Variants in SNX19 observed in about 807,000 individuals in gnomAD.
The protein encoded by SNX19 is sorting nexin 19, also known as sorting nexin-19.
A neutral mutation model predicts 85.2 loss-of-function variants in SNX19; 60 were observed. The ratio of observed to expected loss-of-function variants is 0.70; its 90% CI spans 0.57 to 0.87. The LOEUF (loss-of-function observed/expected upper bound fraction) is 0.87. SNX19 is among the 40% of genes least tolerant of loss of function. The pLI is 0.00. For missense variants in SNX19, 1,201 were observed against 1,217.8 expected, an observed-to-expected ratio of 0.99 and a Z score of 0.21; for synonymous variants, 520 against 470.0, an observed-to-expected ratio of 1.11 and a Z score of -1.38.
chr11:130,911,814 A>G (rs1565551855), intron 1 of SNX19, 43 bp from the exon 2 acceptor site: 2 of 1,598,784 alleles, frequency 1.3e-6, no homozygotes, highest in Admixed American at 1.7e-5. Context: ...GCCGGGTTTC[A>G]GCAATCTTCT....
rs1189188876 is a variant in SNX19 at position 130,880,797 on chromosome 11, C to T, written c.2583G>A (p.Glu861=). 2.6e-6 allele frequency: 4 copies of T among 1,556,486 alleles called. No individual in the cohort carries two copies. The highest frequency in any genetic ancestry group is 3.5e-6 in the Non-Finnish European group (4 of 1,138,974). Residue 861 remains glutamate (E), a synonymous_variant, in exon 9 of 11, where the codon GAG becomes GAA. Transcript: ENST00000265909. ...GACTTGTTAAATTAGCTACCTGCAC[C>T]TCTAGCCACCTGTGGTAGAAGAGAG... is the stretch of plus-strand genomic sequence containing the variant. ...IFGTLVQRWL[E]VQVANLTSPQ...
At position 130,880,735 on chromosome 11, in the gene SNX19, T is replaced by G. The variant is rs763086340; in HGVS notation, c.2645A>C (p.Glu882Ala). The change falls in exon 9 of 11, where the codon GAG becomes GCG. Residue 882 changes from glutamate (E) to alanine (A), a missense_variant. Around this residue, in one of 3 missense-constraint regions of SNX19, gnomAD observed 285 missense variants for 295.3 expected, o/e 0.97. Coordinates refer to ENST00000265909, the MANE Select transcript of SNX19 (RefSeq NM_014758.3). ...RWVQYLLLLQ[E>A]SIWPGGVLPK... ...CAAAACTCCACCAGGCCAGATGGAC[T>G]CCTGAAGAAGCAGGAGGTACTGCAC... 2 of 1,611,832 alleles carry G rather than the reference T, an allele frequency of 1.2e-6. No individual in the cohort carries two copies. Among genetic ancestry groups the G allele is most frequent in the Non-Finnish European group, 1.7e-6 (2 of 1,178,328 alleles).
intron 8 of SNX19, among the ~76,000 whole-genome samples, chr11:130,898,255 TG>T (rs1945018927): frequency 6.6e-6 from 1 of 151,926 alleles, no homozygotes; most frequent in South Asian, 2.1e-4. Context: ...AGTTGCAAGA[TG>T]GGTATACAAA....
intron 5 of SNX19, 113 bp downstream of exon 5, chr11:130,907,840 G>A (rs2135399128): frequency 6.6e-7 from 1 of 1,505,800 alleles, no homozygotes; most frequent in Non-Finnish European, 9.0e-7. Context: ...AAACTGGTAT[G>A]TCTGACCCAC....
chr11:130,894,355 G>C (rs1176417883), intron 8 of SNX19, among the ~76,000 whole-genome samples: 1 of 152,222 alleles, frequency 6.6e-6, no homozygotes, highest in Non-Finnish European at 1.5e-5. Context: ...ACACCACTCA[G>C]AGAAGCAAGC....
rs553491932 is a variant in SNX19 at position 130,867,507 on chromosome 11, C to T, written c.*10915G>A. 1 of 152,104 alleles carries T rather than the reference C, an allele frequency of 6.6e-6. No individual in the cohort carries two copies. Among genetic ancestry groups the T allele is most frequent in the Non-Finnish European group, 1.5e-5 (1 of 68,020 alleles). The allele number at this position is 152,104 out of a possible 1,614,324, so 9.4% of individuals were successfully genotyped here. ...TTCATATCTGTATGGTATCTTTACT[C>T]AACTTGATTTTGGCAGGTTTAAAGA... is the stretch of plus-strand genomic sequence containing the variant. On this transcript the variant is annotated 3_prime_UTR_variant, in exon 11 of 11. Transcript: ENST00000265909.
At position 130,872,063 on chromosome 11, in the gene SNX19, G is replaced by GC. The variant is rs1943047129; in HGVS notation, c.*6358dup. On this transcript the variant is annotated 3_prime_UTR_variant, in exon 11 of 11. Transcript: ENST00000265909. ...AGCTTCCACATCCCAGAGATGGTGT[G>GC]CTGGGGGCTTTCACGGAAGCGCTTG... 1.3e-5 allele frequency among the ~76,000 whole-genome samples: 2 copies of GC among 152,190 alleles called. No individual in the cohort carries two copies. The highest frequency in any genetic ancestry group is 1.3e-4 in the Admixed American group (2 of 15,292).
Position 130,915,695 on chromosome 11 carries a change from A to C in SNX19, c.245T>G (p.Phe82Cys). Residue 82 changes from phenylalanine to cysteine, a missense_variant, in exon 1 of 11, where the codon TTC (phenylalanine) becomes TGC (cysteine). Coordinates refer to ENST00000265909, the MANE Select transcript of SNX19 (RefSeq NM_014758.3). ...TGGAGGACAGGTGGCCAACGGGATGAAGCGTTCCAGATGCAGTCGACCTGA... is the reference window on the plus strand; with the variant it reads ...TGGAGGACAGGTGGCCAACGGGATGCAGCGTTCCAGATGCAGTCGACCTGA... ...VASGRLHLERFIPLATCPPCP... is the reference protein window; with the variant it reads ...VASGRLHLERCIPLATCPPCP... 6.2e-7 allele frequency: 1 copy of C among 1,614,212 alleles called. No individual in the cohort carries two copies.
rs3751036 is a variant in SNX19 at position 130,915,076 on chromosome 11, C to G, written c.864G>C (p.Pro288=). ...CCTCAGCAATCAGTGGCAGAGATGT[C>G]GGCACTGAGGGCTGTTCGGGGGCAC... is the stretch of plus-strand genomic sequence containing the variant. ...PASAPEQPSV[P]TSLPLIAEVE... is the part of the protein sequence containing the mutation. The change falls in exon 1 of 11, where the codon CCG becomes CCC. Residue 288 remains proline (P), a synonymous_variant. Transcript: ENST00000265909. 1,193,667 of 1,613,890 alleles carry G rather than the reference C, an allele frequency of 0.74. 443,799 individuals carry two copies. The highest frequency in any genetic ancestry group is 0.89 in the African/African-American group (66,706 of 75,028).
chr11:130,874,317 C>T lies in SNX19; in HGVS notation c.*4105G>A, dbSNP rs74962523. Among the ~76,000 whole-genome samples the T allele has an allele frequency of 0.031, 4,720 of 152,280 alleles. 109 individuals carry two copies. Among genetic ancestry groups the T allele is most frequent in the Admixed American group, 0.066 (1,016 of 15,298 alleles). Reference sequence around the variant, plus strand: ...GATTATAGGTGTGAGCCGCTGTGCCCGGCCTAGAAGAGGATTCTTGAAGGA... The same window carrying T: ...GATTATAGGTGTGAGCCGCTGTGCCTGGCCTAGAAGAGGATTCTTGAAGGA... On this transcript the variant is annotated 3_prime_UTR_variant, in exon 11 of 11. Coordinates refer to ENST00000265909, the MANE Select transcript of SNX19 (RefSeq NM_014758.3).
chr11:130,879,812 G>T, intron 9 of SNX19, 101 bp from the exon 10 acceptor site: 1 of 1,010,894 alleles, frequency 9.9e-7, no homozygotes, highest in Non-Finnish European at 1.5e-6. Context: ...ACATAGGTTA[G>T]GTATTTCAGG....
rs757383609 is a variant in SNX19 at position 130,914,635 on chromosome 11, G to T, written c.1305C>A (p.Gly435=). Residue 435 remains glycine (G), a synonymous_variant, in exon 1 of 11, where the codon GGC becomes GGA. Transcript: ENST00000265909. ...EEGPGTETET[G]LPVSTLNSCP... is the part of the protein sequence containing the mutation. The stretch of plus-strand genomic sequence containing the variant: ...AGGAATTCAGTGTGGAGACCGGCAG[G>T]CCTGTCTCTGTTTCTGTCCCTGGAC... 1 of 1,613,906 alleles carries T rather than the reference G, an allele frequency of 6.2e-7. No homozygotes were observed. The highest frequency in any genetic ancestry group is 8.5e-7 in the Non-Finnish European group (1 of 1,179,856).
chr11:130,905,802 C>T, intron 7 of SNX19, 151 bp downstream of exon 7: 1 of 1,542,202 alleles, frequency 6.5e-7, no homozygotes, highest in Non-Finnish European at 8.7e-7. Flanking sequence ...TCTCTGTGCC[C>T]CAACACAGCA....
intron 8 of SNX19, among the ~76,000 whole-genome samples, chr11:130,884,394 C>T (rs1236681077): frequency 6.6e-6 from 1 of 151,862 alleles, no homozygotes; most frequent in African/African-American, 2.4e-5. Flanking sequence ...GATTCGTAAC[C>T]CTATAGAGCT....
In SNX19 at chr11:130,875,100, G is replaced by A. The variant is rs546974559; in HGVS notation, c.*3322C>T. ...CAGCATTGTTTTCAACAATCAAGGC[G>A]CGGAGCCAACCTAAATGTCCCTCAA... On this transcript the variant is annotated 3_prime_UTR_variant, in exon 11 of 11. Transcript: ENST00000265909. Among the ~76,000 whole-genome samples the A allele has an allele frequency of 5.3e-5, 8 of 152,332 alleles. No homozygotes were observed. Among genetic ancestry groups the A allele is most frequent in the African/African-American group, 1.4e-4 (6 of 41,566 alleles).
intron 8 of SNX19, among the ~76,000 whole-genome samples, chr11:130,888,386 T>C (rs1287768262): frequency 1.3e-5 from 2 of 152,212 alleles, no homozygotes; most frequent in African/African-American, 4.8e-5. Flanking sequence ...GTTTATGATA[T>C]TATTTAATAC....
intron 1 of SNX19, 40 bp downstream of exon 1, chr11:130,914,226 T>G (rs1946359353): frequency 6.7e-7 from 1 of 1,502,182 alleles, no homozygotes; most frequent in African/African-American, 1.4e-5. Context: ...CCAAACCCAC[T>G]CCTAGCCCGG....
chr11:130,905,674 A>G, intron 7 of SNX19: 1 of 1,509,252 alleles, frequency 6.6e-7, no homozygotes, highest in Non-Finnish European at 8.8e-7. Flanking sequence ...GCATGCCAAA[A>G]ATAAGTTTAA....
intron 8 of SNX19, among the ~76,000 whole-genome samples, chr11:130,885,029 C>T (rs1482973414): frequency 6.6e-6 from 1 of 151,932 alleles, no homozygotes; most frequent in African/African-American, 2.4e-5. Context: ...ACTACTATTC[C>T]AGGTCTGATA....
Sources: allele counts gnomAD v4.1 joint callset (sites outside exome capture counted in the v4.1 genomes callset), GRCh38; gene constraint gnomAD v4.1.1; regional missense constraint gnomAD v4.1.1; transcripts MANE v1.5; gene names NCBI Gene and HGNC (gene_info 2026-07-23, HGNC 2026-07-21).